The following TWSG1 variants were observed in gnomAD, a reference collection of about 807,000 sequenced individuals.
TWSG1 encodes the protein twisted gastrulation BMP signaling modulator 1.
Under a neutral mutation model 23.0 loss-of-function variants are expected in TWSG1, and 15 were observed. The observed-to-expected ratio is 0.65, with a 90% CI of 0.44 to 1.00. TWSG1 has a LOEUF of 1.00. Among genes scored for constraint, TWSG1 ranks in the 50% least tolerant of loss-of-function variants. The pLI is 0.00. For missense variants in TWSG1, 242 were observed against 278.7 expected (o/e 0.87, Z 0.94); for synonymous variants, 86 against 92.8 (o/e 0.93, Z 0.42).
chr18:9,363,099 A>G (rs1011937098), intron 3 of TWSG1, among the ~76,000 whole-genome samples: 2 of 152,180 alleles, frequency 1.3e-5, no homozygotes, highest in African/African-American at 4.8e-5. Flanking sequence ...CTCTGAGAGA[A>G]CACAAATTAG....
chr18:9,394,357 A>G (rs1344211564), intron 3 of TWSG1, among the ~76,000 whole-genome samples: 2 of 152,210 alleles, frequency 1.3e-5, no homozygotes, highest in African/African-American at 4.8e-5. Context: ...AGTTAGAAAA[A>G]AGTTCATTCC....
chr18:9,360,135 C>T, intron 3 of TWSG1, 64 bp downstream of exon 3: 1 of 1,314,692 alleles, frequency 7.6e-7, no homozygotes. Flanking sequence ...CTTTAAGAGA[C>T]TTTAAGGAAT....
At chr18:9,361,166 G>T (rs2040550718) in intron 3 of TWSG1, among the ~76,000 whole-genome samples, 1 of 152,068 alleles carries the variant, frequency 6.6e-6, no homozygotes, top group Non-Finnish European at 1.5e-5. Context: ...CTTCTTGAGA[G>T]ATTTCCTAAT....
intron 3 of TWSG1, among the ~76,000 whole-genome samples, chr18:9,364,553 G>C (rs958204236): frequency 6.6e-6 from 1 of 152,160 alleles, no homozygotes; most frequent in Non-Finnish European, 1.5e-5. Context: ...AGCACTTTGG[G>C]AGGCCAAGAG....
intron 1 of TWSG1, 64 bp from the exon 2 acceptor site, chr18:9,337,129 C>T: frequency 7.2e-7 from 1 of 1,385,342 alleles, no homozygotes; most frequent in Non-Finnish European, 9.9e-7. Flanking sequence ...TTTTGTTTCT[C>T]ATTTTTATAT....
At chr18:9,384,694 G>A (rs1199169118) in intron 3 of TWSG1, among the ~76,000 whole-genome samples, 2 of 150,048 alleles carry the variant, frequency 1.3e-5, no homozygotes, top group Admixed American at 6.6e-5. Context: ...CGCCCGGGCT[G>A]GAGTGCAGTG....
chr18:9,377,328 C>T (rs2040635385), intron 3 of TWSG1, among the ~76,000 whole-genome samples: 1 of 151,990 alleles, frequency 6.6e-6, no homozygotes. Context: ...AAGCGATTCT[C>T]CTGTCTCAGC....
At chr18:9,355,731 TGAAAA>T (rs1489819647) in intron 2 of TWSG1, among the ~76,000 whole-genome samples, 1 of 152,234 alleles carries the variant, frequency 6.6e-6, no homozygotes. Context: ...ATATTTCTCC[TGAAAA>T]GTAAGAGGTG....
chr18:9,396,391 C>G lies in TWSG1; in HGVS notation c.335C>G (p.Thr112Ser). Reference sequence around the variant, plus strand: ...TTCCGGGCACTCACAGAAGGAGATACTCAGTTGAATTGGAACATCGTTTCT... The same window carrying G: ...TTCCGGGCACTCACAGAAGGAGATAGTCAGTTGAATTGGAACATCGTTTCT... Reference protein sequence around the residue: ...SLFRALTEGDTQLNWNIVSFP... With the variant: ...SLFRALTEGDSQLNWNIVSFP... The change falls in exon 4 of 5, where the codon ACT (threonine) becomes AGT (serine). Residue 112 changes from threonine to serine, a missense_variant. By Grantham distance (58) the Thr-to-Ser change is moderately conservative (BLOSUM62 1). Coordinates refer to ENST00000262120, the MANE Select transcript of TWSG1 (RefSeq NM_020648.6). 1 of 1,614,200 alleles carries G rather than the reference C, an allele frequency of 6.2e-7. No homozygotes were observed.
At chr18:9,370,160 A>T (rs1156284609) in intron 3 of TWSG1, among the ~76,000 whole-genome samples, 1 of 152,124 alleles carries the variant, frequency 6.6e-6, no homozygotes, top group Non-Finnish European at 1.5e-5. Flanking sequence ...CCTACTAAAA[A>T]TACAAAAATT....
chr18:9,371,095 C>T (rs1426788905), intron 3 of TWSG1, among the ~76,000 whole-genome samples: 1 of 151,634 alleles, frequency 6.6e-6, no homozygotes, highest in Admixed American at 6.6e-5. Flanking sequence ...TATGTAACTT[C>T]CCTCACTTTT....
intron 4 of TWSG1, among the ~76,000 whole-genome samples, chr18:9,398,724 G>A (rs2040749282): frequency 6.6e-6 from 1 of 152,144 alleles, no homozygotes; most frequent in South Asian, 2.1e-4. Flanking sequence ...CTCCCAAAGT[G>A]TTGGGATTAC....
At chr18:9,384,180 T>C (rs1260488899) in intron 3 of TWSG1, among the ~76,000 whole-genome samples, 1 of 152,102 alleles carries the variant, frequency 6.6e-6, no homozygotes, top group Non-Finnish European at 1.5e-5. Context: ...AGTTTGGAAA[T>C]GGGAACTGAG....
chr18:9,343,935 T>C (rs2040460424), intron 2 of TWSG1, among the ~76,000 whole-genome samples: 1 of 152,192 alleles, frequency 6.6e-6, no homozygotes, highest in South Asian at 2.1e-4. Context: ...ACAGGTTTGT[T>C]TACTGCCTGT....
chr18:9,368,979 C>T (rs2040592346), intron 3 of TWSG1, among the ~76,000 whole-genome samples: 2 of 150,454 alleles, frequency 1.3e-5, no homozygotes, highest in East Asian at 2.0e-4. Flanking sequence ...TGTGGTGGCA[C>T]ACACTTGTAA....
At chr18:9,351,142 T>A (rs2040500225) in intron 2 of TWSG1, among the ~76,000 whole-genome samples, 1 of 152,092 alleles carries the variant, frequency 6.6e-6, no homozygotes, top group Non-Finnish European at 1.5e-5. Context: ...TTTTTAAATA[T>A]CTTTTGTAAT....
At chr18:9,380,986 G>T (rs968007836) in intron 3 of TWSG1, among the ~76,000 whole-genome samples, 1 of 152,144 alleles carries the variant, frequency 6.6e-6, no homozygotes, top group Non-Finnish European at 1.5e-5. Flanking sequence ...TTTGTAATCT[G>T]TAGTTTCAAA....
At chr18:9,363,286 T>C (rs1598826469) in intron 3 of TWSG1, among the ~76,000 whole-genome samples, 1 of 152,072 alleles carries the variant, frequency 6.6e-6, no homozygotes, top group Non-Finnish European at 1.5e-5. Context: ...TGAAATCCTG[T>C]GGGTTTTGGA....
intron 4 of TWSG1, 30 bp from the exon 5 acceptor site, chr18:9,399,316 G>T (rs930263129): frequency 4.0e-6 from 6 of 1,504,500 alleles, no homozygotes; most frequent in African/African-American, 1.4e-5. Flanking sequence ...CTTCTTTCTT[G>T]CCCTGAAATC....
Sources: gnomAD v4.1 joint callset for allele counts (sites outside exome capture counted in the v4.1 genomes callset) on GRCh38, gnomAD v4.1.1 for gene constraint, MANE v1.5 for transcripts, NCBI Gene and HGNC (gene_info 2026-07-23, HGNC 2026-07-21) for gene names.